TAMM41: variants seen among roughly 807,000 people sequenced by gnomAD.
The protein encoded by TAMM41 is TAM41 mitochondrial translocator assembly and maintenance homolog.
In TAMM41, 36 loss-of-function variants were observed where a neutral mutation model predicts 44.1. That is an observed-to-expected ratio of 0.82 (90% CI 0.63 to 1.08). The LOEUF is 1.08. Ranked by LOEUF, TAMM41 falls within the 50% of genes least tolerant of loss-of-function variation. TAMM41 has a pLI of 0.00. For synonymous variants in TAMM41, 164 were observed against 153.1 expected (o/e 1.07, Z -0.53); for missense variants, 417 against 404.3 (o/e 1.03, Z -0.27).
chr3:11,841,714 C>G (rs1395360748), intron 2 of TAMM41, among the ~76,000 whole-genome samples: 1 of 152,156 alleles, frequency 6.6e-6, no homozygotes, highest in Non-Finnish European at 1.5e-5. Flanking sequence ...GAAGGCTGTG[C>G]TGAGTGTCAG....
At chr3:11,818,869 G>C (rs1406437998) in intron 4 of TAMM41, among the ~76,000 whole-genome samples, 1 of 146,662 alleles carries the variant, frequency 6.8e-6, no homozygotes, top group Non-Finnish European at 1.5e-5. Flanking sequence ...CTGCACTCCA[G>C]CCTGGGTGAT....
At chr3:11,727,484 AG>A in the TAMM41 span, among the ~76,000 whole-genome samples, 1 of 152,184 alleles carries the variant, frequency 6.6e-6, no homozygotes, top group African/African-American at 2.4e-5. Flanking sequence ...TTATTATTTC[AG>A]ACAGGGTCTT....
intron 5 of TAMM41, chr3:11,811,393 T>C (rs2078082758): frequency 6.6e-6 from 1 of 152,244 alleles, no homozygotes; most frequent in African/African-American, 2.4e-5. Context: ...ATTTAAGTTA[T>C]GCTTTACCTA....
At chr3:11,843,849 T>A in intron 2 of TAMM41, 180 bp downstream of exon 2, 1 of 642,568 alleles carries the variant, frequency 1.6e-6, no homozygotes. Flanking sequence ...GGCAGGAGTG[T>A]GAATGTTTCC....
chr3:11,822,171 C>T (rs1375122744), intron 4 of TAMM41, among the ~76,000 whole-genome samples: 1 of 152,146 alleles, frequency 6.6e-6, no homozygotes. Flanking sequence ...GATATAGGCT[C>T]TACCTCAGGC....
chr3:11,809,316 C>T, intron 6 of TAMM41: 1 of 590,366 alleles, frequency 1.7e-6, no homozygotes, highest in South Asian at 2.2e-5. Flanking sequence ...AATTTAAAAA[C>T]AGAAGTATTT....
chr3:11,779,184 GTTC>G, the TAMM41 span, among the ~76,000 whole-genome samples: 1 of 152,118 alleles, frequency 6.6e-6, no homozygotes, highest in Non-Finnish European at 1.5e-5. Flanking sequence ...CTACACACTG[GTTC>G]CCCCTTCCCC....
the TAMM41 span, among the ~76,000 whole-genome samples, chr3:11,769,867 C>A: frequency 1.1e-4 from 17 of 152,330 alleles, no homozygotes; most frequent in African/African-American, 4.1e-4. Flanking sequence ...GCATTTCCTA[C>A]AAAGCAGGCA....
chr3:11,831,123 G>A (rs919865532), intron 3 of TAMM41, among the ~76,000 whole-genome samples: 1 of 152,164 alleles, frequency 6.6e-6, no homozygotes, highest in East Asian at 1.9e-4. Context: ...CCTTGTGTGT[G>A]CTTCTCAGTG....
intron 3 of TAMM41, among the ~76,000 whole-genome samples, chr3:11,831,673 A>C (rs2078987315): frequency 6.6e-6 from 1 of 152,252 alleles, no homozygotes; most frequent in Admixed American, 6.5e-5. Flanking sequence ...GCAAGGAAAG[A>C]GGAGAATGCT....
chr3:11,735,093 C>G, the TAMM41 span, among the ~76,000 whole-genome samples: 2 of 149,358 alleles, frequency 1.3e-5, no homozygotes, highest in African/African-American at 4.9e-5. Flanking sequence ...GGCATGGTGG[C>G]TCACACCTAT....
At chr3:11,743,457 C>G in the TAMM41 span, among the ~76,000 whole-genome samples, 1 of 151,892 alleles carries the variant, frequency 6.6e-6, no homozygotes, top group Non-Finnish European at 1.5e-5. Flanking sequence ...CCTCAGCCTC[C>G]CAATTAGCTG....
chr3:11,759,032 C>G, the TAMM41 span, among the ~76,000 whole-genome samples: 1 of 152,042 alleles, frequency 6.6e-6, no homozygotes, highest in Admixed American at 6.6e-5. Flanking sequence ...AATTATTGCT[C>G]TTAAATAAAG....
At chr3:11,759,573 A>T in the TAMM41 span, among the ~76,000 whole-genome samples, 29 of 65,462 alleles carry the variant, frequency 4.4e-4, no homozygotes, top group African/African-American at 2.3e-3. Flanking sequence ...ATGCATACGG[A>T]AAGCAATTGC....
intron 4 of TAMM41, among the ~76,000 whole-genome samples, chr3:11,825,540 A>C (rs1488072678): frequency 6.6e-6 from 1 of 152,170 alleles, no homozygotes; most frequent in African/African-American, 2.4e-5. Flanking sequence ...CAGAATCCAC[A>C]CTTTAGAGAG....
intron 5 of TAMM41, chr3:11,811,400 C>T (rs1039379790): frequency 6.6e-6 from 1 of 152,098 alleles, no homozygotes; most frequent in East Asian, 1.9e-4. Context: ...TTATGCTTTA[C>T]CTATGAAGCT....
Position 11,817,366 on chromosome 3 carries a change from T to C in TAMM41, c.563-29A>G, listed in dbSNP as rs2078325347. The C allele has an allele frequency of 1.9e-6, 3 of 1,590,090 alleles. No homozygotes were observed. In the African/African-American group the frequency reaches 4.0e-5, roughly 21 times the overall value. ...GTTAAAACAAAGAGATAAACACATCTTCCATTAAGAATCCACACTCTCGAC... is the reference window on the plus strand; with the variant it reads ...GTTAAAACAAAGAGATAAACACATCCTCCATTAAGAATCCACACTCTCGAC... On this transcript the variant is annotated intron_variant, in intron 4 of 7. Transcript: ENST00000455809.
chr3:11,792,708 T>C (rs2077508915), intron 7 of TAMM41, among the ~76,000 whole-genome samples: 1 of 152,088 alleles, frequency 6.6e-6, no homozygotes, highest in African/African-American at 2.4e-5. Context: ...GCTAAACATA[T>C]AGAAAACAAA....
the TAMM41 span, among the ~76,000 whole-genome samples, chr3:11,748,487 T>C: frequency 6.6e-6 from 1 of 151,792 alleles, no homozygotes; most frequent in South Asian, 2.1e-4. Flanking sequence ...GTGTAATCCC[T>C]CCTACCTCAC....
Sources: allele counts gnomAD v4.1 joint callset (sites outside exome capture counted in the v4.1 genomes callset), GRCh38; gene constraint gnomAD v4.1.1; transcripts MANE v1.5; gene names NCBI Gene and HGNC (gene_info 2026-07-23, HGNC 2026-07-21).